Variants in EHBP1 observed in about 807,000 individuals in gnomAD.
The protein encoded by EHBP1 is EH domain binding protein 1, also known as EH domain-binding protein 1.
In EHBP1, 55 loss-of-function variants were observed where a neutral mutation model predicts 144.0. The ratio of observed to expected loss-of-function variants is 0.38; its 90% CI spans 0.31 to 0.48. The LOEUF is 0.48. EHBP1 is among the 20% of genes least tolerant of loss of function. EHBP1 has a pLI of 0.98. For synonymous variants in EHBP1, 469 were observed against 472.7 expected, an observed-to-expected ratio of 0.99 and a Z score of 0.10; for missense variants, 1,200 against 1,364.2, an observed-to-expected ratio of 0.88 and a Z score of 1.90.
chr2:63,002,408 C>A (rs895303784), intron 19 of EHBP1, among the ~76,000 whole-genome samples: 1 of 151,966 alleles, frequency 6.6e-6, no homozygotes, highest in Non-Finnish European at 1.5e-5. Context: ...TGATCTTGAT[C>A]TTTTTCAATA....
intron 7 of EHBP1, among the ~76,000 whole-genome samples, chr2:62,845,170 G>T (rs2048203560): frequency 6.6e-6 from 1 of 151,616 alleles, no homozygotes; most frequent in East Asian, 1.9e-4. Flanking sequence ...CAGTTTCCAA[G>T]GTTCCTATAA....
intron 2 of EHBP1, among the ~76,000 whole-genome samples, chr2:62,712,975 AAAAT>A (rs1292556155): frequency 6.6e-6 from 1 of 152,230 alleles, no homozygotes; most frequent in African/African-American, 2.4e-5. Flanking sequence ...AAATACCTTT[AAAAT>A]AAATAAATTT....
At chr2:62,696,857 A>G (rs533788412) in intron 1 of EHBP1, among the ~76,000 whole-genome samples, 1 of 152,270 alleles carries the variant, frequency 6.6e-6, no homozygotes, top group African/African-American at 2.4e-5. Flanking sequence ...CAGAACACAT[A>G]CAAGACAAAA....
chr2:62,863,516 A>G (rs1029792156), intron 8 of EHBP1, among the ~76,000 whole-genome samples: 3 of 152,228 alleles, frequency 2.0e-5, no homozygotes, highest in South Asian at 2.1e-4. Context: ...AAAACTTGAT[A>G]TATCTATCAG....
chr2:62,703,204 TAA>T (rs879746583), upstream of EHBP1, among the ~76,000 whole-genome samples: 1 of 144,020 alleles, frequency 6.9e-6, no homozygotes, highest in Non-Finnish European at 1.5e-5. Context: ...ACTTGCTCCT[TAA>T]AAAAAAAAAA....
At chr2:62,676,420 CT>C (rs1235420502) in intron 1 of EHBP1, among the ~76,000 whole-genome samples, 1 of 152,208 alleles carries the variant, frequency 6.6e-6, no homozygotes, top group Non-Finnish European at 1.5e-5. Flanking sequence ...CACATTTTTG[CT>C]GACTGAATTG....
chr2:63,007,831 T>C (rs2060109594), intron 19 of EHBP1, among the ~76,000 whole-genome samples: 1 of 151,858 alleles, frequency 6.6e-6, no homozygotes. Context: ...GTTCAGTGCA[T>C]GAGATTGGTG....
At chr2:62,910,022 T>C (rs2152973686) in intron 10 of EHBP1, among the ~76,000 whole-genome samples, 1 of 152,280 alleles carries the variant, frequency 6.6e-6, no homozygotes, top group Admixed American at 6.5e-5. Context: ...CCCAAAGAGC[T>C]AGGATTACAG....
At chr2:62,789,421 CTT>C (rs1194908585) in intron 5 of EHBP1, among the ~76,000 whole-genome samples, 1 of 152,132 alleles carries the variant, frequency 6.6e-6, no homozygotes, top group East Asian at 1.9e-4. Context: ...AAAAATGTGA[CTT>C]TCTCAACTAT....
intron 2 of EHBP1, among the ~76,000 whole-genome samples, chr2:62,745,831 GAGTTTA>G (rs1435051108): frequency 6.6e-6 from 1 of 152,006 alleles, no homozygotes; most frequent in East Asian, 1.9e-4. Flanking sequence ...CTTTTTAAAA[GAGTTTA>G]AGTTTAAAAT....
chr2:62,693,653 C>T (rs1439001537), intron 1 of EHBP1, among the ~76,000 whole-genome samples: 2 of 152,122 alleles, frequency 1.3e-5, no homozygotes, highest in African/African-American at 4.8e-5. Context: ...GTTCTAGCTA[C>T]TTTGAAATAT....
chr2:62,686,819 A>C (rs945732399), intron 1 of EHBP1, among the ~76,000 whole-genome samples: 1 of 152,260 alleles, frequency 6.6e-6, no homozygotes, highest in Non-Finnish European at 1.5e-5. Flanking sequence ...AGTGCAGTGC[A>C]GTGTACAAAA....
intron 10 of EHBP1, among the ~76,000 whole-genome samples, chr2:62,900,229 C>G (rs368561480): frequency 6.6e-5 from 10 of 152,216 alleles, no homozygotes; most frequent in East Asian, 1.9e-4. Flanking sequence ...TAAATATTTA[C>G]TCTAAAATTA....
Position 62,771,334 on chromosome 2 carries a change from T to TA in EHBP1, c.259-4dup, listed in dbSNP as rs1469959320. 6.3e-7 allele frequency: 1 copy of TA among 1,592,908 alleles called. No homozygotes were observed. Among genetic ancestry groups the TA allele is most frequent in the African/African-American group, 1.3e-5 (1 of 74,192 alleles). On this transcript the variant is annotated splice_polypyrimidine_tract_variant and splice_region_variant and intron_variant, in intron 4 of 22. Coordinates refer to ENST00000431489, the MANE Select transcript of EHBP1 (RefSeq NM_001142616.3). The stretch of plus-strand genomic sequence containing the variant: ...ATTCCATTTCATATTTTGCTTTTGT[T>TA]ACAGGATCCTCATGCGGAAGAATTT...
intron 10 of EHBP1, among the ~76,000 whole-genome samples, chr2:62,891,593 G>A (rs2052464504): frequency 6.6e-6 from 1 of 152,004 alleles, no homozygotes; most frequent in Non-Finnish European, 1.5e-5. Flanking sequence ...TCTTTAACTG[G>A]CTTATATACA....
chr2:62,788,838 T>C (rs747474017), intron 5 of EHBP1, among the ~76,000 whole-genome samples: 3 of 152,224 alleles, frequency 2.0e-5, no homozygotes, highest in African/African-American at 2.4e-5. Flanking sequence ...GTGACCCTGT[T>C]AGATGTATTA....
intron 10 of EHBP1, among the ~76,000 whole-genome samples, chr2:62,909,190 C>G (rs1434078930): frequency 6.6e-6 from 1 of 152,066 alleles, no homozygotes; most frequent in Non-Finnish European, 1.5e-5. Flanking sequence ...AGCCTTCCCC[C>G]CACCCCGAGA....
intron 5 of EHBP1, among the ~76,000 whole-genome samples, chr2:62,816,816 G>A (rs1233118725): frequency 6.6e-6 from 1 of 152,124 alleles, no homozygotes; most frequent in Non-Finnish European, 1.5e-5. Context: ...GTGGCTCACT[G>A]CCTTCATTCC....
At chr2:62,914,076 G>A (rs1332626384) in intron 10 of EHBP1, among the ~76,000 whole-genome samples, 1 of 152,072 alleles carries the variant, frequency 6.6e-6, no homozygotes, top group Non-Finnish European at 1.5e-5. Context: ...AATCAGGCAG[G>A]TTGACTGTTT....
Sources: allele counts gnomAD v4.1 joint callset (sites outside exome capture counted in the v4.1 genomes callset), GRCh38; gene constraint gnomAD v4.1.1; transcripts MANE v1.5; gene names NCBI Gene and HGNC (gene_info 2026-07-23, HGNC 2026-07-21).